ZNF385D: variants seen among roughly 807,000 people sequenced by gnomAD.
The protein encoded by ZNF385D is zinc finger protein 659.
A neutral mutation model predicts 35.8 loss-of-function variants in ZNF385D; 15 were observed. The observed-to-expected ratio is 0.42, with a 90% confidence interval of 0.28 to 0.64. ZNF385D has a LOEUF of 0.64. Ranked by LOEUF, ZNF385D falls within the 30% of genes least tolerant of loss-of-function variation. The probability of loss-of-function intolerance (pLI) is 0.23; values close to 1 mark genes in which losing one functional copy is unlikely to be tolerated. For missense variants in ZNF385D, 474 were observed against 494.6 expected (o/e 0.96, Z 0.39); for synonymous variants, 212 against 186.8 (o/e 1.13, Z -1.10).
intron 3 of ZNF385D, among the ~76,000 whole-genome samples, chr3:22,130,954 T>G (rs1703749034): frequency 6.6e-6 from 1 of 152,128 alleles, no homozygotes; most frequent in South Asian, 2.1e-4. Flanking sequence ...AGCTATAGAC[T>G]ATCTGTTTCT....
At chr3:22,104,694 A>G (rs1257099734) in intron 3 of ZNF385D, among the ~76,000 whole-genome samples, 3 of 152,166 alleles carry the variant, frequency 2.0e-5, no homozygotes, top group Non-Finnish European at 4.4e-5. Flanking sequence ...CCATAACTAG[A>G]AAGAAAAATG....
chr3:22,022,537 A>G (rs2125457970), intron 3 of ZNF385D, among the ~76,000 whole-genome samples: 1 of 152,254 alleles, frequency 6.6e-6, no homozygotes, highest in African/African-American at 2.4e-5. Context: ...TATACCCCAA[A>G]GGAAATCAAG....
chr3:21,816,227 C>T (rs1224612359), intron 3 of ZNF385D, among the ~76,000 whole-genome samples: 7 of 151,984 alleles, frequency 4.6e-5, no homozygotes, highest in Admixed American at 2.6e-4. Flanking sequence ...AATATCATAC[C>T]GAATGAGCAA....
chr3:21,553,692 G>A (rs571537128), intron 3 of ZNF385D, among the ~76,000 whole-genome samples: 1 of 152,088 alleles, frequency 6.6e-6, no homozygotes, highest in African/African-American at 2.4e-5. Context: ...CAAAATTGGG[G>A]TCAATCCTCC....
intron 3 of ZNF385D, among the ~76,000 whole-genome samples, chr3:21,825,709 C>A (rs945548757): frequency 6.6e-6 from 1 of 152,166 alleles, no homozygotes; most frequent in Admixed American, 6.5e-5. Flanking sequence ...TTTCTTGTCT[C>A]TTTCTCTGTG....
chr3:22,300,535 A>C (rs1174847472), intron 2 of ZNF385D, among the ~76,000 whole-genome samples: 1 of 151,986 alleles, frequency 6.6e-6, no homozygotes, highest in Non-Finnish European at 1.5e-5. Flanking sequence ...TCTGCAAACT[A>C]TTCATCTGAA....
intron 3 of ZNF385D, among the ~76,000 whole-genome samples, chr3:22,045,092 T>C (rs1465737018): frequency 6.6e-6 from 1 of 152,068 alleles, no homozygotes; most frequent in Non-Finnish European, 1.5e-5. Flanking sequence ...TTAGCTCCCA[T>C]CGGATCCCTA....
chr3:21,714,483 C>A (rs755453460), intron 1 of ZNF385D, among the ~76,000 whole-genome samples: 1 of 152,282 alleles, frequency 6.6e-6, no homozygotes, highest in African/African-American at 2.4e-5. Flanking sequence ...CCTACCTACT[C>A]TACCACTCCC....
At chr3:21,865,280 G>A (rs932366169) in intron 3 of ZNF385D, among the ~76,000 whole-genome samples, 1 of 151,722 alleles carries the variant, frequency 6.6e-6, no homozygotes, top group Non-Finnish European at 1.5e-5. Context: ...TCAATACACA[G>A]TGGAATCTCA....
At chr3:22,070,468 A>G (rs1700177257) in intron 3 of ZNF385D, among the ~76,000 whole-genome samples, 1 of 152,126 alleles carries the variant, frequency 6.6e-6, no homozygotes, top group Non-Finnish European at 1.5e-5. Flanking sequence ...TTTATAAGAG[A>G]GAGTTGAGTA....
chr3:22,158,332 G>C (rs1705722105), intron 3 of ZNF385D, among the ~76,000 whole-genome samples: 1 of 151,944 alleles, frequency 6.6e-6, no homozygotes, highest in Admixed American at 6.6e-5. Context: ...AGTTCTATTG[G>C]AAACCAGAGT....
At chr3:21,666,848 C>T (rs893398457) in intron 1 of ZNF385D, among the ~76,000 whole-genome samples, 7 of 152,054 alleles carry the variant, frequency 4.6e-5, no homozygotes, top group Non-Finnish European at 8.8e-5. Flanking sequence ...AAGGTCAAGG[C>T]GGATGGATCA....
At chr3:21,645,607 T>C (rs971487109) in intron 2 of ZNF385D, among the ~76,000 whole-genome samples, 1 of 151,876 alleles carries the variant, frequency 6.6e-6, no homozygotes, top group Non-Finnish European at 1.5e-5. Context: ...CTTCTACAGA[T>C]GTTTTTTTGT....
chr3:22,204,946 T>C (rs1046028341), intron 2 of ZNF385D, among the ~76,000 whole-genome samples: 18 of 141,448 alleles, frequency 1.3e-4, no homozygotes, highest in African/African-American at 4.7e-4. Flanking sequence ...AGAAAGTTTA[T>C]GTAAAGTGCT....
At chr3:22,046,420 T>C (rs1699009696) in intron 3 of ZNF385D, among the ~76,000 whole-genome samples, 1 of 152,112 alleles carries the variant, frequency 6.6e-6, no homozygotes, top group Non-Finnish European at 1.5e-5. Flanking sequence ...AAAAAAGACA[T>C]TGTAGATTGG....
upstream of ZNF385D, among the ~76,000 whole-genome samples, chr3:21,754,846 A>G (rs11921929): frequency 4.9e-3 from 740 of 152,306 alleles, 11 homozygotes; most frequent in African/African-American, 0.017. Flanking sequence ...TCATTATACA[A>G]TAAATATTTG....
At chr3:22,237,307 G>C (rs575639062) in intron 2 of ZNF385D, among the ~76,000 whole-genome samples, 149 of 152,162 alleles carry the variant, frequency 9.8e-4, no homozygotes, top group African/African-American at 3.4e-3. Context: ...GTGCCTACTG[G>C]CTATTTGTAT....
chr3:21,836,251 G>A (rs541911705), intron 3 of ZNF385D, among the ~76,000 whole-genome samples: 1 of 152,150 alleles, frequency 6.6e-6, no homozygotes, highest in Non-Finnish European at 1.5e-5. Flanking sequence ...CATAAATATG[G>A]AGGCGCATTA....
chr3:21,682,357 G>C (rs2066943277), intron 1 of ZNF385D, among the ~76,000 whole-genome samples: 1 of 150,206 alleles, frequency 6.7e-6, no homozygotes. Flanking sequence ...GTAAGAGTAA[G>C]GGGAAAGCTA....
Sources: gnomAD v4.1 joint callset for allele counts (sites outside exome capture counted in the v4.1 genomes callset) on GRCh38, gnomAD v4.1.1 for gene constraint, MANE v1.5 for transcripts, NCBI Gene and HGNC (gene_info 2026-07-23, HGNC 2026-07-21) for gene names.